The following NCALD variants were observed in gnomAD, a reference collection of about 807,000 sequenced individuals.
NCALD encodes the protein neurocalcin delta.
Under a neutral mutation model 18.6 loss-of-function variants are expected in NCALD, and 10 were observed. The observed-to-expected ratio is 0.54, with a 90% CI of 0.33 to 0.91. The LOEUF (loss-of-function observed/expected upper bound fraction) is 0.91, where lower values mean the gene tolerates loss of function less well. NCALD is among the 40% of genes least tolerant of loss of function. The pLI is 0.03. For synonymous variants in NCALD, 88 were observed against 87.4 expected (o/e 1.01, Z -0.04); for missense variants, 184 against 247.6 (o/e 0.74, Z 1.72).
intron 1 of NCALD, among the ~76,000 whole-genome samples, chr8:102,022,447 T>C (rs1057034867): frequency 6.6e-6 from 1 of 152,196 alleles, no homozygotes; most frequent in East Asian, 1.9e-4. Flanking sequence ...TCTCTTGCAG[T>C]TCTTGGAAAT....
intron 1 of NCALD, among the ~76,000 whole-genome samples, chr8:102,021,233 G>C (rs1284686646): frequency 6.6e-6 from 1 of 152,094 alleles, no homozygotes; most frequent in Admixed American, 6.6e-5. Context: ...AATATTTATT[G>C]AGCAAAAGAA....
chr8:101,770,048 T>C (rs1811519389), intron 1 of NCALD, among the ~76,000 whole-genome samples: 1 of 152,196 alleles, frequency 6.6e-6, no homozygotes, highest in Non-Finnish European at 1.5e-5. Context: ...AGAAGAGGCC[T>C]ATAGTTGTAA....
chr8:102,057,123 T>C (rs1422022354), intron 1 of NCALD, among the ~76,000 whole-genome samples: 1 of 152,162 alleles, frequency 6.6e-6, no homozygotes, highest in Non-Finnish European at 1.5e-5. Context: ...TCTGGCCTCA[T>C]TTGTGGGCAC....
chr8:101,872,452 G>C, intron 4 of NCALD: 1 of 984,156 alleles, frequency 1.0e-6, no homozygotes, highest in Non-Finnish European at 1.6e-6. Context: ...CTCCTCTTCT[G>C]CCTTCTCTTC....
chr8:102,106,900 A>G (rs1365590135), intron 1 of NCALD, among the ~76,000 whole-genome samples: 1 of 152,072 alleles, frequency 6.6e-6, no homozygotes, highest in Non-Finnish European at 1.5e-5. Flanking sequence ...CCACTCTCCT[A>G]TGACACTTCC....
At chr8:102,008,512 G>C (rs1380293122) in intron 2 of NCALD, among the ~76,000 whole-genome samples, 1 of 150,984 alleles carries the variant, frequency 6.6e-6, no homozygotes, top group African/African-American at 2.4e-5. Context: ...GATCATTCTG[G>C]CCTTCCTTCT....
intron 2 of NCALD, among the ~76,000 whole-genome samples, chr8:101,964,176 A>C (rs1031140075): frequency 7.2e-4 from 109 of 152,068 alleles, no homozygotes; most frequent in African/African-American, 2.6e-3. Context: ...ACCACCTCTC[A>C]CCTATGAATA....
At chr8:102,113,290 A>G (rs1825692069) in intron 1 of NCALD, among the ~76,000 whole-genome samples, 1 of 152,262 alleles carries the variant, frequency 6.6e-6, no homozygotes, top group Non-Finnish European at 1.5e-5. Context: ...ATCTTTAAGC[A>G]TAAATGATCA....
At chr8:101,911,546 T>C (rs1586742463) in intron 3 of NCALD, among the ~76,000 whole-genome samples, 1 of 151,706 alleles carries the variant, frequency 6.6e-6, no homozygotes, top group Non-Finnish European at 1.5e-5. Context: ...TCAGTAGAGA[T>C]GGGGTTTCGC....
chr8:101,903,533 C>A lies in NCALD; in HGVS notation c.-107+12276G>T, dbSNP rs190315038. On this transcript the variant is annotated intron_variant, in intron 3 of 6. Transcript: ENST00000311028. ...TTTCATCTGTGCTTTTGTGTTGGGGCGAGAGCGAGGGAGAGAATGAGGACT... is the reference window on the plus strand; with the variant it reads ...TTTCATCTGTGCTTTTGTGTTGGGGAGAGAGCGAGGGAGAGAATGAGGACT... Among the ~76,000 whole-genome samples the A allele has an allele frequency of 1.4e-3, 210 of 152,064 alleles. 1 individual carries two copies. Among genetic ancestry groups the A allele is most frequent in the African/African-American group, 4.8e-3 (198 of 41,496 alleles).
intron 3 of NCALD, among the ~76,000 whole-genome samples, chr8:101,898,479 C>G (rs986425612): frequency 3.3e-5 from 5 of 152,114 alleles, no homozygotes; most frequent in African/African-American, 1.2e-4. Context: ...ATCCTTCTAA[C>G]ACAGTTCTTC....
At chr8:101,802,112 T>A (rs541583504) in intron 4 of NCALD, among the ~76,000 whole-genome samples, 2 of 152,322 alleles carry the variant, frequency 1.3e-5, no homozygotes, top group African/African-American at 4.8e-5. Context: ...TGTCTCTGTG[T>A]CACATCTGGG....
At chr8:101,804,169 A>G (rs1043321729) in intron 4 of NCALD, among the ~76,000 whole-genome samples, 2 of 151,624 alleles carry the variant, frequency 1.3e-5, no homozygotes, top group Non-Finnish European at 2.9e-5. Flanking sequence ...GTAATTTGTG[A>G]AAATGCATTA....
At chr8:101,893,014 G>T (rs1014559322) in intron 3 of NCALD, among the ~76,000 whole-genome samples, 1 of 148,622 alleles carries the variant, frequency 6.7e-6, no homozygotes, top group African/African-American at 2.6e-5. Flanking sequence ...TACAGAGAAC[G>T]CCACAAAGAT....
intron 3 of NCALD, among the ~76,000 whole-genome samples, chr8:101,690,142 T>C (rs1026761801): frequency 1.4e-5 from 2 of 147,884 alleles, no homozygotes; most frequent in African/African-American, 5.2e-5. Flanking sequence ...CCTTTCTGCT[T>C]ACTCTGGAGC....
intron 2 of NCALD, among the ~76,000 whole-genome samples, chr8:101,718,315 C>T (rs1816183510): frequency 6.6e-6 from 1 of 152,074 alleles, no homozygotes; most frequent in Admixed American, 6.6e-5. Context: ...TTAATGATCA[C>T]TTTTTACATT....
At chr8:101,945,572 A>G (rs1462575425) in intron 2 of NCALD, among the ~76,000 whole-genome samples, 1 of 152,196 alleles carries the variant, frequency 6.6e-6, no homozygotes, top group Non-Finnish European at 1.5e-5. Context: ...AGGAAATTAA[A>G]CCACAGTGAG....
chr8:101,850,303 A>T (rs1254994044), intron 4 of NCALD, among the ~76,000 whole-genome samples: 1 of 152,198 alleles, frequency 6.6e-6, no homozygotes, highest in African/African-American at 2.4e-5. Flanking sequence ...CAATTCCAAG[A>T]CACCATCTCC....
At chr8:101,949,246 T>C (rs915866357) in intron 2 of NCALD, among the ~76,000 whole-genome samples, 1 of 152,146 alleles carries the variant, frequency 6.6e-6, no homozygotes, top group Non-Finnish European at 1.5e-5. Flanking sequence ...TGTTTTCTTA[T>C]CCAAGAGATC....
Sources: allele counts gnomAD v4.1 joint callset (sites outside exome capture counted in the v4.1 genomes callset), GRCh38; gene constraint gnomAD v4.1.1; transcripts MANE v1.5; gene names NCBI Gene and HGNC (gene_info 2026-07-23, HGNC 2026-07-21).